SMYD3: variants seen among roughly 807,000 people sequenced by gnomAD.
The protein encoded by SMYD3 is SET and MYND domain containing 3.
In SMYD3, 36 loss-of-function variants were observed where a neutral mutation model predicts 57.7. The observed-to-expected ratio is 0.62, with a 90% CI of 0.48 to 0.82. SMYD3 has a LOEUF of 0.82. Among genes scored for constraint, SMYD3 ranks in the 40% least tolerant of loss-of-function variants. The pLI is 0.00. For missense variants in SMYD3, 515 were observed against 538.8 expected, an observed-to-expected ratio of 0.96 and a Z score of 0.44; for synonymous variants, 211 against 195.0, an observed-to-expected ratio of 1.08 and a Z score of -0.68.
chr1:245,930,679 AAAT>A (rs2056660051), intron 5 of SMYD3: 1 of 152,480 alleles, frequency 6.6e-6, no homozygotes, highest in African/African-American at 2.4e-5. Flanking sequence ...ATTCTGGCTA[AAAT>A]CACTGCTTCA....
intron 11 of SMYD3, among the ~76,000 whole-genome samples, chr1:245,756,190 G>A (rs979925060): frequency 2.7e-5 from 4 of 149,190 alleles, no homozygotes; most frequent in African/African-American, 9.8e-5. Context: ...TATATATACA[G>A]ATATATATGT....
intron 5 of SMYD3, among the ~76,000 whole-genome samples, chr1:246,250,491 A>C (rs10802369): frequency 0.21 from 31,438 of 151,996 alleles, 3,920 homozygotes; most frequent in East Asian, 0.58. Context: ...GTCAGTAAGA[A>C]ATCATTATAT....
intron 1 of SMYD3, among the ~76,000 whole-genome samples, chr1:246,364,294 G>C (rs914928399): frequency 1.3e-5 from 2 of 151,294 alleles, no homozygotes; most frequent in Non-Finnish European, 2.9e-5. Context: ...CAGTGACAAG[G>C]ATCAGACGGG....
intron 5 of SMYD3, among the ~76,000 whole-genome samples, chr1:245,987,022 C>T (rs1472335529): frequency 6.6e-6 from 1 of 152,152 alleles, no homozygotes; most frequent in Non-Finnish European, 1.5e-5. Flanking sequence ...AAATGAGTCA[C>T]CACTTGCGGA....
chr1:245,903,643 C>G (rs914294499), intron 8 of SMYD3, among the ~76,000 whole-genome samples: 1 of 152,208 alleles, frequency 6.6e-6, no homozygotes, highest in Non-Finnish European at 1.5e-5. Flanking sequence ...AGCAGTGGTG[C>G]GTGGTGACAA....
intron 1 of SMYD3, among the ~76,000 whole-genome samples, chr1:246,481,433 T>TTCTC (rs149763470): frequency 6.8e-6 from 1 of 147,610 alleles, no homozygotes; most frequent in African/African-American, 2.5e-5. Context: ...AAAGGGTGAA[T>TTCTC]TCTCTCTCTC....
intron 1 of SMYD3, among the ~76,000 whole-genome samples, chr1:246,481,784 T>TAG (rs370670625): frequency 0.021 from 3,128 of 147,618 alleles, 83 homozygotes; most frequent in African/African-American, 0.067. Flanking sequence ...TATATATATA[T>TAG]AGAGAGAGAG....
In SMYD3 at chr1:246,339,926, C is replaced by T. The variant is rs183883358; in HGVS notation, c.229-4452G>A. On this transcript the variant is annotated intron_variant, in intron 2 of 11. Transcript: ENST00000490107. ...TGTAATCCCTCAACCTTGGACTTCC[C>T]GGCCTCCAGAAACACCAGCCAAATA... 4.2e-3 allele frequency among the ~76,000 whole-genome samples: 643 copies of T among 152,286 alleles called. 5 individuals are homozygous for T. The highest frequency in any genetic ancestry group is 0.014 in the African/African-American group (563 of 41,550).
rs1157640254 is a variant in SMYD3, at chr1:246,040,192, G to A, written c.532-110255C>T. Among the ~76,000 whole-genome samples the A allele has an allele frequency of 2.0e-5, 3 of 152,104 alleles. No homozygotes were observed. The East Asian group carries it at 5.8e-4, about 29-fold the overall frequency. On this transcript the variant is annotated intron_variant, in intron 5 of 11. Transcript: ENST00000490107. ...TATTGGGCTGTTTTGGATATTTCCTGTATTACATATACAACCGGGATATTA... is the reference window on the plus strand; with the variant it reads ...TATTGGGCTGTTTTGGATATTTCCTATATTACATATACAACCGGGATATTA...
Position 246,218,565 on chromosome 1 carries a change from A to G in SMYD3, c.531+108636T>C, listed in dbSNP as rs376906223. Among the ~76,000 whole-genome samples, 402 of 151,192 alleles carry G rather than the reference A, an allele frequency of 2.7e-3. 1 individual carries two copies. Among genetic ancestry groups the G allele is most frequent in the Non-Finnish European group, 4.2e-3 (285 of 67,948 alleles). ...GAACCCAGGAGACGGAGCTTGCAGT[A>G]AACCGAGATGGCGCCACTGCACTCC... is the stretch of plus-strand genomic sequence containing the variant. On this transcript the variant is annotated intron_variant, in intron 5 of 11. Coordinates refer to ENST00000490107, the MANE Select transcript of SMYD3 (RefSeq NM_001167740.2).
intron 8 of SMYD3, among the ~76,000 whole-genome samples, chr1:245,885,016 G>C (rs193158385): frequency 1.3e-5 from 2 of 152,148 alleles, no homozygotes; most frequent in African/African-American, 4.8e-5. Flanking sequence ...TTTATGAGCT[G>C]TAACACTCAA....
At chr1:246,498,663 G>A (rs895282705) in intron 1 of SMYD3, among the ~76,000 whole-genome samples, 1 of 150,838 alleles carries the variant, frequency 6.6e-6, no homozygotes, top group African/African-American at 2.4e-5. Context: ...CCTGGGAGAC[G>A]GAGCTGGCAG....
intron 5 of SMYD3, among the ~76,000 whole-genome samples, chr1:246,277,195 T>C (rs533119227): frequency 1.3e-5 from 2 of 151,360 alleles, no homozygotes; most frequent in South Asian, 4.2e-4. Context: ...CAACCTTGTT[T>C]CAAAAAAAAA....
rs770911040 is a variant in SMYD3, at chr1:245,858,604, A to G, written c.968T>C (p.Ile323Thr). 12 of 1,614,138 alleles carry G rather than the reference A, an allele frequency of 7.4e-6. No homozygotes were observed. The highest frequency in any genetic ancestry group is 9.3e-6 in the Non-Finnish European group (11 of 1,180,060). ...ISSNSERLPD[I>T]NIYQLKVLDC... Reference sequence around the variant, plus strand: ...GAGCACCTTCAGCTGGTAGATGTTGATATCGGGAAGCCGTTCAGAATTGCT... The same window carrying G: ...GAGCACCTTCAGCTGGTAGATGTTGGTATCGGGAAGCCGTTCAGAATTGCT... Residue 323 changes from isoleucine (I) to threonine (T), a missense_variant, in exon 10 of 12, where the codon ATC (isoleucine) becomes ACC (threonine). Transcript: ENST00000490107.
intron 5 of SMYD3, among the ~76,000 whole-genome samples, chr1:246,182,992 C>A (rs1449901610): frequency 6.6e-6 from 1 of 152,164 alleles, no homozygotes; most frequent in Non-Finnish European, 1.5e-5. Context: ...TGCTAAATTT[C>A]TCCACACCCT....
At chr1:246,151,707 CT>C (rs2061943415) in intron 5 of SMYD3, among the ~76,000 whole-genome samples, 1 of 152,154 alleles carries the variant, frequency 6.6e-6, no homozygotes, top group Non-Finnish European at 1.5e-5. Context: ...ACCCAAGTAT[CT>C]TTAAGGCCCG....
chr1:245,824,975 C>G (rs867225782), intron 10 of SMYD3, among the ~76,000 whole-genome samples: 1 of 151,596 alleles, frequency 6.6e-6, no homozygotes, highest in Non-Finnish European at 1.5e-5. Flanking sequence ...AGGTTGCAGT[C>G]AGCCGAGATC....
In SMYD3 at chr1:246,266,261, T is replaced by TA. The variant is rs1445609925; in HGVS notation, c.531+60939_531+60940insT. Among the ~76,000 whole-genome samples the TA allele has an allele frequency of 2.0e-5, 3 of 152,204 alleles. No homozygotes were observed. The East Asian group carries it at 5.8e-4, about 29-fold the overall frequency. On this transcript the variant is annotated intron_variant, in intron 5 of 11. Transcript: ENST00000490107. Reference sequence around the variant, plus strand: ...AACAGGGAAAGAACTCTATTGGGAATGTCATGCCCTGTCCATCCATCCCAT... The same window carrying TA: ...AACAGGGAAAGAACTCTATTGGGAATAGTCATGCCCTGTCCATCCATCCCAT...
intron 5 of SMYD3, among the ~76,000 whole-genome samples, chr1:246,315,443 G>A (rs938233829): frequency 6.6e-5 from 10 of 152,170 alleles, no homozygotes; most frequent in African/African-American, 2.4e-4. Flanking sequence ...GGCGAGGGAA[G>A]ATAAACTACA....
Sources: allele counts gnomAD v4.1 joint callset (sites outside exome capture counted in the v4.1 genomes callset), GRCh38; gene constraint gnomAD v4.1.1; transcripts MANE v1.5; gene names NCBI Gene and HGNC (gene_info 2026-07-23, HGNC 2026-07-21).